The following KALRN variants were observed in gnomAD, a reference collection of about 807,000 sequenced individuals.
The protein encoded by KALRN is kalirin.
KALRN carries 70 observed loss-of-function variants against 353.7 expected under a neutral mutation model. That is an observed-to-expected ratio of 0.20 (90% confidence interval 0.16 to 0.24). KALRN has a LOEUF of 0.24. Among genes scored for constraint, KALRN ranks in the 10% least tolerant of loss-of-function variants. KALRN has a pLI of 1.00. For missense variants in KALRN, 2,791 were observed against 3,756.7 expected, an observed-to-expected ratio of 0.74 and a Z score of 6.72; for synonymous variants, 1,391 against 1,434.8, an observed-to-expected ratio of 0.97 and a Z score of 0.69.
intron 1 of KALRN, among the ~76,000 whole-genome samples, chr3:124,060,885 G>T (rs758706027): frequency 6.6e-6 from 1 of 152,200 alleles, no homozygotes; most frequent in Non-Finnish European, 1.5e-5. Flanking sequence ...CAAGGCCTGG[G>T]GCCCCAGTGG....
intron 1 of KALRN, among the ~76,000 whole-genome samples, chr3:124,168,927 A>T (rs937500371): frequency 1.3e-5 from 2 of 152,230 alleles, no homozygotes; most frequent in African/African-American, 4.8e-5. Context: ...GCACATGATT[A>T]GACAAACACC....
At chr3:124,616,306 G>A (rs979324211) in intron 34 of KALRN, among the ~76,000 whole-genome samples, 2 of 152,162 alleles carry the variant, frequency 1.3e-5, no homozygotes, top group Non-Finnish European at 2.9e-5. Context: ...TACTACTGAA[G>A]GGCACATTGT....
chr3:124,159,541 G>C (rs1340494011), intron 1 of KALRN, among the ~76,000 whole-genome samples: 4 of 150,118 alleles, frequency 2.7e-5, no homozygotes, highest in African/African-American at 9.8e-5. Flanking sequence ...CAAAGTGCTG[G>C]GATTACAGGC....
At chr3:124,711,809 A>G (rs1160417966) in intron 57 of KALRN, among the ~76,000 whole-genome samples, 4 of 152,252 alleles carry the variant, frequency 2.6e-5, no homozygotes, top group African/African-American at 2.4e-5. Context: ...AGCAGGGGAT[A>G]GAAAAGAGAT....
chr3:124,102,792 C>G (rs1384750442), intron 1 of KALRN, among the ~76,000 whole-genome samples: 1 of 152,220 alleles, frequency 6.6e-6, no homozygotes, highest in Non-Finnish European at 1.5e-5. Flanking sequence ...TAATAAATAA[C>G]TTTGGCTAAC....
At chr3:124,113,436 C>T (rs779050795) in intron 1 of KALRN, among the ~76,000 whole-genome samples, 17 of 152,030 alleles carry the variant, frequency 1.1e-4, no homozygotes, top group Non-Finnish European at 2.4e-4. Context: ...TGAAAGGGTA[C>T]GGAGATAGAA....
At chr3:124,638,523 A>G (rs1053190523) in intron 37 of KALRN, among the ~76,000 whole-genome samples, 1 of 152,020 alleles carries the variant, frequency 6.6e-6, no homozygotes, top group Non-Finnish European at 1.5e-5. Flanking sequence ...ACCAACCTAT[A>G]TACCCTCTTC....
At chr3:124,634,007 G>GT (rs2081077051) in intron 36 of KALRN, 54 bp downstream of exon 36, 7 of 1,439,436 alleles carry the variant, frequency 4.9e-6, no homozygotes, top group African/African-American at 2.8e-5. Flanking sequence ...GCGTGATTTT[G>GT]TTTTTTGTGT....
At chr3:124,612,790 A>G (rs1561423115) in intron 34 of KALRN, among the ~76,000 whole-genome samples, 1 of 152,236 alleles carries the variant, frequency 6.6e-6, no homozygotes, top group Non-Finnish European at 1.5e-5. Context: ...ATAGCTCAGC[A>G]TCAGGAACAG....
rs376565735 is a variant in KALRN at position 124,660,909 on chromosome 3, C to A, written c.6217-14C>A. On this transcript the variant is annotated splice_polypyrimidine_tract_variant and intron_variant, in intron 43 of 59. Transcript: ENST00000682506. ...CCCCTTCCCACACTCTTGCCTGCTT[C>A]CCCTACTTGTTAGGACTTCCTGAGA... 3.5e-5 allele frequency: 56 copies of A among 1,600,052 alleles called. No homozygotes were observed. Among genetic ancestry groups the A allele is most frequent in the Non-Finnish European group, 4.5e-5 (52 of 1,167,680 alleles).
intron 6 of KALRN, among the ~76,000 whole-genome samples, chr3:124,315,227 C>A (rs540545026): frequency 3.0e-4 from 46 of 152,290 alleles, no homozygotes; most frequent in African/African-American, 1.0e-3. Context: ...CCATCCCAAC[C>A]TTTCCAGATG....
chr3:124,118,264 A>C (rs2063643259), intron 1 of KALRN, among the ~76,000 whole-genome samples: 1 of 151,930 alleles, frequency 6.6e-6, no homozygotes, highest in Non-Finnish European at 1.5e-5. Context: ...GGACAGAGGG[A>C]CTACAGATGG....
intron 3 of KALRN, among the ~76,000 whole-genome samples, chr3:124,239,838 T>C (rs1460358356): frequency 6.6e-6 from 1 of 152,120 alleles, no homozygotes; most frequent in East Asian, 1.9e-4. Context: ...CCTGTTGAGA[T>C]GTGTTGTTGA....
chr3:124,173,394 C>T (rs2150130298), intron 1 of KALRN, among the ~76,000 whole-genome samples: 1 of 152,264 alleles, frequency 6.6e-6, no homozygotes, highest in East Asian at 1.9e-4. Context: ...AAAGGACAGA[C>T]AGAATTGGGA....
At chr3:124,252,272 G>A (rs1252356655) in intron 3 of KALRN, among the ~76,000 whole-genome samples, 6 of 151,982 alleles carry the variant, frequency 3.9e-5, no homozygotes, top group Non-Finnish European at 5.9e-5. Context: ...CTGGAATAAG[G>A]CAGTTGACAG....
intron 33 of KALRN, among the ~76,000 whole-genome samples, chr3:124,499,050 C>G (rs915069874): frequency 6.6e-6 from 1 of 152,022 alleles, no homozygotes; most frequent in Non-Finnish European, 1.5e-5. Context: ...GACAGCTCAC[C>G]CAATTCAGAC....
At chr3:124,138,070 T>C (rs570090903) in intron 1 of KALRN, among the ~76,000 whole-genome samples, 1 of 152,218 alleles carries the variant, frequency 6.6e-6, no homozygotes, top group South Asian at 2.1e-4. Context: ...TATCTCAAGG[T>C]TCACAGAGCC....
intron 1 of KALRN, among the ~76,000 whole-genome samples, chr3:124,115,346 C>T (rs889710797): frequency 1.4e-4 from 21 of 152,204 alleles, no homozygotes; most frequent in African/African-American, 4.8e-4. Flanking sequence ...TCAATCATTT[C>T]CTGCCTTTGG....
intron 1 of KALRN, among the ~76,000 whole-genome samples, chr3:124,125,351 T>C (rs974798960): frequency 3.9e-5 from 6 of 152,210 alleles, no homozygotes; most frequent in Admixed American, 6.5e-5. Flanking sequence ...TCATGTTAGT[T>C]TCTAATCATG....
Sources: allele counts gnomAD v4.1 joint callset (sites outside exome capture counted in the v4.1 genomes callset), GRCh38; gene constraint gnomAD v4.1.1; transcripts MANE v1.5; gene names NCBI Gene and HGNC (gene_info 2026-07-23, HGNC 2026-07-21).